Variants in ARMCX4 observed in about 807,000 individuals in gnomAD.
The protein encoded by ARMCX4 is armadillo repeat-containing X-linked protein 4.
In ARMCX4, 3 loss-of-function variants were observed where a neutral mutation model predicts 34.7. That is an observed-to-expected ratio of 0.09 (90% CI 0.04 to 0.22). The LOEUF (loss-of-function observed/expected upper bound fraction) is 0.22, where lower values mean the gene tolerates loss of function less well. Among genes scored for constraint, ARMCX4 ranks in the 10% least tolerant of loss-of-function variants. The pLI, the probability that ARMCX4 is intolerant of heterozygous loss-of-function variation, is 1.00. For synonymous variants in ARMCX4, 513 were observed against 632.8 expected (o/e 0.81, Z 2.84); for missense variants, 1,448 against 1,720.8 (o/e 0.84, Z 2.81).
At chrX:101,504,236 G>A (rs1934385350) in intron 7 of ARMCX4, among the ~76,000 whole-genome samples, 1 of 111,483 alleles carries the variant, frequency 9.0e-6, no homozygotes, top group South Asian at 3.8e-4. Context: ...CTCCAGCTTT[G>A]TTCTTTTGGC....
At chrX:101,460,964 T>C (rs1278211560) in intron 4 of ARMCX4, among the ~76,000 whole-genome samples, 1 of 112,140 alleles carries the variant, frequency 8.9e-6, no homozygotes, top group Non-Finnish European at 1.9e-5. Flanking sequence ...CTTTTCTGTT[T>C]GAAGCCTCCA....
intron 11 of ARMCX4, among the ~76,000 whole-genome samples, chrX:101,511,557 T>G (rs917494710): frequency 8.9e-5 from 10 of 111,785 alleles, no homozygotes; most frequent in Non-Finnish European, 1.7e-4. Flanking sequence ...TATATTTATC[T>G]TTAAGAATGA....
At chrX:101,485,697 CGAACCGTGGGCTTT>C (rs1292465548) in intron 1 of ARMCX4, among the ~76,000 whole-genome samples, 167 bp downstream of exon 1, 1 of 112,206 alleles carries the variant, frequency 8.9e-6, no homozygotes, top group African/African-American at 3.2e-5. Flanking sequence ...TCTGTGCAGG[CGAACCGTGGGCTTT>C]GATTTGTGGG....
intron 11 of ARMCX4, among the ~76,000 whole-genome samples, chrX:101,514,383 C>G (rs782075772): frequency 9.0e-6 from 1 of 111,451 alleles, no homozygotes; most frequent in East Asian, 2.8e-4. Context: ...GAACATTACT[C>G]CTATAGAGAG....
intron 2 of ARMCX4, among the ~76,000 whole-genome samples, chrX:101,433,107 C>CATAT (rs1930345010): frequency 1.9e-5 from 1 of 51,298 alleles, no homozygotes; most frequent in Non-Finnish European, 4.8e-5. Context: ...TACATACGCA[C>CATAT]GTATACACAT....
rs782336616 is a variant in ARMCX4, at chrX:101,463,663, GTAT to G, written c.-473+17624_-473+17626del. On this transcript the variant is annotated intron_variant and NMD_transcript_variant, in intron 4 of 15. Transcript: ENST00000433011. Reference sequence around the variant, plus strand: ...GGTAGCTTGGTAGTGATAATGAACAGTATTATTTTGCTCTATAACAAAGAGGAA... The same window carrying G: ...GGTAGCTTGGTAGTGATAATGAACAGTATTTTGCTCTATAACAAAGAGGAA... 1.1e-4 allele frequency among the ~76,000 whole-genome samples: 12 copies of G among 112,065 alleles called. No homozygotes were observed. The East Asian group carries it at 2.8e-3, about 26-fold the overall frequency.
At chrX:101,432,898 G>C (rs1478426981) in intron 2 of ARMCX4, among the ~76,000 whole-genome samples, 2 of 44,305 alleles carry the variant, frequency 4.5e-5, no homozygotes, top group East Asian at 6.1e-4. Flanking sequence ...GTATATATAC[G>C]TGTATATACA....
chrX:101,531,854 A>G (rs1389134995), exon 12 of ARMCX4: 1 of 111,510 alleles, frequency 9.0e-6, no homozygotes, highest in Admixed American at 9.5e-5. Context: ...GAAAACAGAA[A>G]CTTTTCCTCA....
At chrX:101,524,014 C>T (rs1556019770) in intron 11 of ARMCX4, among the ~76,000 whole-genome samples, 1 of 109,825 alleles carries the variant, frequency 9.1e-6, no homozygotes, top group African/African-American at 3.3e-5. Context: ...ATCCTTATGT[C>T]CTGCCTTTCC....
intron 2 of ARMCX4, among the ~76,000 whole-genome samples, chrX:101,440,532 TTTTGGCTGCCTTTTG>T (rs1931211742): frequency 9.0e-6 from 1 of 111,479 alleles, no homozygotes; most frequent in African/African-American, 3.3e-5. Flanking sequence ...TCTGCAGAGG[TTTTGGCTGCCTTTTG>T]TTTGGCTATG....
At chrX:101,487,330 T>G in intron 3 of ARMCX4, 58 bp downstream of exon 3, 2 of 141,442 alleles carry the variant, frequency 1.4e-5, no homozygotes, top group Non-Finnish European at 2.8e-5. Flanking sequence ...GCATAGGAGG[T>G]GGGTGAGATT....
chrX:101,500,222 G>A (rs1934266334), downstream of ARMCX4, among the ~76,000 whole-genome samples: 1 of 111,098 alleles, frequency 9.0e-6, no homozygotes, highest in African/African-American at 3.3e-5. Flanking sequence ...TTCACAGTGG[G>A]CCCACTGAGT....
At chrX:101,419,126 A>G (rs1280278370) in intron 2 of ARMCX4, 1 of 107,825 alleles carries the variant, frequency 9.3e-6, no homozygotes, top group Non-Finnish European at 1.9e-5. Flanking sequence ...CCCACTCCTT[A>G]GTTCACATTG....
upstream of ARMCX4, among the ~76,000 whole-genome samples, chrX:101,480,940 T>C (rs1256461147): frequency 9.0e-6 from 1 of 111,207 alleles, no homozygotes; most frequent in Non-Finnish European, 1.9e-5. Flanking sequence ...CTGGGCAACA[T>C]GGCAAAAACC....
intron 4 of ARMCX4, among the ~76,000 whole-genome samples, chrX:101,453,683 C>G (rs781843424): frequency 9.0e-6 from 1 of 110,665 alleles, no homozygotes; most frequent in Non-Finnish European, 1.9e-5. Context: ...GGGTTCTCCT[C>G]TACACCAGAA....
upstream of ARMCX4, among the ~76,000 whole-genome samples, chrX:101,484,752 T>C (rs1933614260): frequency 8.9e-6 from 1 of 112,481 alleles, no homozygotes; most frequent in Admixed American, 9.4e-5. Context: ...TTGAAAGCTG[T>C]AAAATAGTTT....
At chrX:101,419,573 T>C (rs1929112030) in intron 2 of ARMCX4, among the ~76,000 whole-genome samples, 1 of 111,866 alleles carries the variant, frequency 8.9e-6, no homozygotes, top group South Asian at 3.7e-4. Flanking sequence ...TAAAGAAACA[T>C]ACACTGGCCT....
chrX:101,529,558 G>A (rs1556021550), intron 11 of ARMCX4, among the ~76,000 whole-genome samples: 1 of 111,594 alleles, frequency 9.0e-6, no homozygotes, highest in Non-Finnish European at 1.9e-5. Context: ...CCTACAGAAT[G>A]GGAGAAAATT....
chrX:101,480,943 C>A (rs1556005318), upstream of ARMCX4, among the ~76,000 whole-genome samples: 1 of 110,755 alleles, frequency 9.0e-6, no homozygotes. Context: ...GGCAACATGG[C>A]AAAAACCCGT....
Sources: allele counts gnomAD v4.1 joint callset (sites outside exome capture counted in the v4.1 genomes callset), GRCh38; gene constraint gnomAD v4.1.1; transcripts MANE v1.5; gene names NCBI Gene and HGNC (gene_info 2026-07-23, HGNC 2026-07-21).